Variants in TMPRSS2 observed in about 807,000 individuals in gnomAD.
TMPRSS2 encodes the protein transmembrane serine protease 2.
In TMPRSS2, 59 loss-of-function variants were observed where a neutral mutation model predicts 67.4. The ratio of observed to expected loss-of-function variants is 0.88; its 90% CI spans 0.71 to 1.09. The LOEUF (loss-of-function observed/expected upper bound fraction) is 1.09, where lower values mean the gene tolerates loss of function less well. TMPRSS2 is among the 50% of genes least tolerant of loss of function. The pLI is 0.00. For synonymous variants in TMPRSS2, 257 were observed against 257.0 expected (o/e 1.00, Z 0.00); for missense variants, 668 against 642.7 (o/e 1.04, Z -0.43).
rs761549281 is a variant in TMPRSS2, at chr21:41,468,554, CTTG to C, written c.1172-19_1172-17del. ...GAGGTCTTCCCTAAGGACAGGGAGA[CTTG>C]TTGAGCTCCCAGTGTTGCCTGCAGC... On this transcript the variant is annotated splice_polypyrimidine_tract_variant and intron_variant, in intron 11 of 13. Transcript: ENST00000332149. 17 of 1,613,502 alleles carry C rather than the reference CTTG, an allele frequency of 1.1e-5. No individual in the cohort carries two copies. The highest frequency in any genetic ancestry group is 5.0e-5 in the Admixed American group (3 of 59,984).
intron 11 of TMPRSS2, 130 bp from the exon 12 acceptor site, chr21:41,468,668 G>T: frequency 9.4e-7 from 1 of 1,064,454 alleles, no homozygotes; most frequent in South Asian, 1.6e-5. Flanking sequence ...GCCCTGCCCC[G>T]GTCAGCTCAT....
intron 2 of TMPRSS2, 29 bp from the exon 3 acceptor site, chr21:41,494,607 A>T: frequency 6.3e-7 from 1 of 1,599,892 alleles, no homozygotes; most frequent in Non-Finnish European, 8.6e-7. Flanking sequence ...GATGAATAAT[A>T]TAAAACTCTT....
chr21:41,475,947 G>A (rs2091209123), intron 8 of TMPRSS2, among the ~76,000 whole-genome samples: 1 of 151,974 alleles, frequency 6.6e-6, no homozygotes, highest in Non-Finnish European at 1.5e-5. Context: ...CTCTTCAAAT[G>A]AAAAGCTGAG....
intron 1 of TMPRSS2, among the ~76,000 whole-genome samples, chr21:41,505,920 C>G (rs1874283815): frequency 6.6e-6 from 1 of 152,202 alleles, no homozygotes; most frequent in African/African-American, 2.4e-5. Context: ...TGTTTATCCC[C>G]AGTTCTGCCC....
intron 1 of TMPRSS2, 82 bp from the exon 2 acceptor site, chr21:41,498,271 C>A: frequency 1.0e-6 from 1 of 958,700 alleles, no homozygotes; most frequent in Non-Finnish European, 1.6e-6. Flanking sequence ...CTAGAAGAAT[C>A]TCTAGATGAA....
At position 41,489,722 on chromosome 21, in the gene TMPRSS2, A is replaced by G. The variant is rs1453385486; in HGVS notation, c.239-129T>C. Reference sequence around the variant, plus strand: ...TATTTCATATACACTTAAAAATGTGACTTTTAATTTTAAGAAATATCATGG... The same window carrying G: ...TATTTCATATACACTTAAAAATGTGGCTTTTAATTTTAAGAAATATCATGG... On this transcript the variant is annotated intron_variant, in intron 3 of 13. Coordinates refer to ENST00000332149, the MANE Select transcript of TMPRSS2 (RefSeq NM_005656.4). The G allele has an allele frequency of 1.1e-5, 7 of 629,464 alleles. No homozygotes were observed. The East Asian group carries it at 2.0e-4, about 18-fold the overall frequency. The allele number at this position is 629,464 out of a possible 1,614,324, so 39.0% of individuals were successfully genotyped here.
rs1448640608 is a variant in TMPRSS2, at chr21:41,489,505, A to G, written c.325+2T>C. ...GGTGGGATCGAGGCTCCCTGCACTT[A>G]CTGAACTTCCAGAGTAGGCCAGCGG... On this transcript the variant is annotated splice_donor_variant, in intron 4 of 13. Coordinates refer to ENST00000332149, the MANE Select transcript of TMPRSS2 (RefSeq NM_005656.4). LOFTEE classifies it high-confidence loss of function. 2 of 1,613,824 alleles carry G rather than the reference A, an allele frequency of 1.2e-6. No homozygotes were observed. Among genetic ancestry groups the G allele is most frequent in the African/African-American group, 1.3e-5 (1 of 74,914 alleles).
chr21:41,493,397 G>A (rs7275220), intron 3 of TMPRSS2, among the ~76,000 whole-genome samples: 99,876 of 151,632 alleles, frequency 0.66, 34,363 homozygotes, highest in Non-Finnish European at 0.75. Flanking sequence ...CGCAGGAGCG[G>A]CAGCACTTGT....
Position 41,465,044 on chromosome 21 carries a change from C to G in TMPRSS2, c.*1098G>C, listed in dbSNP as rs572422499. The G allele has an allele frequency of 8.6e-6, 2 of 233,330 alleles. No individual in the cohort carries two copies. Among genetic ancestry groups the G allele is most frequent in the Non-Finnish European group, 8.5e-6 (1 of 118,058 alleles). 14.5% of individuals were successfully genotyped at this position (233,330 alleles called of 1,614,324 possible). A position where few individuals can be genotyped will look rare whatever the true frequency, so the allele number is the denominator to read the frequency against. ...CACATCTTTCTCTTCTTCGCCGCCA[C>G]CATGGGCACTTTGCTTCAGCACATT... On this transcript the variant is annotated 3_prime_UTR_variant, in exon 14 of 14. Coordinates refer to ENST00000332149, the MANE Select transcript of TMPRSS2 (RefSeq NM_005656.4).
intron 5 of TMPRSS2, among the ~76,000 whole-genome samples, chr21:41,485,462 A>G (rs1035407647): frequency 4.6e-5 from 7 of 152,014 alleles, no homozygotes; most frequent in Non-Finnish European, 7.4e-5. Flanking sequence ...AGTCTGGACA[A>G]CATTGATGAA....
At chr21:41,471,041 C>T (rs1476829004) in intron 10 of TMPRSS2, among the ~76,000 whole-genome samples, 2 of 152,250 alleles carry the variant, frequency 1.3e-5, no homozygotes, top group Admixed American at 6.5e-5. Context: ...GAAAGACACA[C>T]AGGAGGCAAC....
chr21:41,475,844 A>C (rs1056327576), intron 8 of TMPRSS2, among the ~76,000 whole-genome samples: 3 of 151,794 alleles, frequency 2.0e-5, no homozygotes, highest in Non-Finnish European at 4.4e-5. Flanking sequence ...GGCGGGTGCC[A>C]CGCACCCTTG....
Position 41,465,518 on chromosome 21 carries a change from C to T in TMPRSS2, c.*624G>A, listed in dbSNP as rs2146415321. The stretch of plus-strand genomic sequence containing the variant: ...AGTTCCTTTTCAATTGCTTCCCTCG[C>T]ACCAAGGGCACTGTCTATATTCTCA... On this transcript the variant is annotated 3_prime_UTR_variant, in exon 14 of 14. Coordinates refer to ENST00000332149, the MANE Select transcript of TMPRSS2 (RefSeq NM_005656.4). The T allele has an allele frequency of 8.6e-6, 2 of 233,410 alleles. No individual in the cohort carries two copies. The highest frequency in any genetic ancestry group is 1.7e-5 in the Non-Finnish European group (2 of 118,124). 14.5% of individuals were successfully genotyped at this position (233,410 alleles called of 1,614,324 possible).
chr21:41,490,369 G>C (rs2091326871), intron 3 of TMPRSS2, among the ~76,000 whole-genome samples: 1 of 152,224 alleles, frequency 6.6e-6, no homozygotes, highest in East Asian at 1.9e-4. Context: ...GTCCCATTCG[G>C]ACATCCACCA....
At chr21:41,483,524 C>G (rs1477517222) in intron 5 of TMPRSS2, among the ~76,000 whole-genome samples, 1 of 150,794 alleles carries the variant, frequency 6.6e-6, no homozygotes, top group African/African-American at 2.4e-5. Flanking sequence ...TCAGGCGATC[C>G]CCACCCCCTC....
At chr21:41,492,833 C>T (rs1226779654) in intron 3 of TMPRSS2, among the ~76,000 whole-genome samples, 1 of 152,182 alleles carries the variant, frequency 6.6e-6, no homozygotes, top group Non-Finnish European at 1.5e-5. Context: ...GTGGGAACAC[C>T]ACCGTCTGGA....
intron 9 of TMPRSS2, 36 bp from the exon 10 acceptor site, chr21:41,472,017 T>C (rs2091137875): frequency 6.5e-7 from 1 of 1,548,852 alleles, no homozygotes; most frequent in African/African-American, 1.4e-5. Context: ...CTCAGAGCCA[T>C]AAACACAGAG....
chr21:41,487,183 T>G (rs2091305057), intron 5 of TMPRSS2: 1 of 152,216 alleles, frequency 6.6e-6, no homozygotes, highest in Admixed American at 6.5e-5. Flanking sequence ...GTGGTGTATA[T>G]GCACAAGGCA....
At chr21:41,482,079 T>C (rs1466237605) in intron 5 of TMPRSS2, among the ~76,000 whole-genome samples, 1 of 151,682 alleles carries the variant, frequency 6.6e-6, no homozygotes, top group Non-Finnish European at 1.5e-5. Context: ...AATAAATAAA[T>C]AATAAGATAA....
Sources: gnomAD v4.1 joint callset for allele counts (sites outside exome capture counted in the v4.1 genomes callset) on GRCh38, gnomAD v4.1.1 for gene constraint, MANE v1.5 for transcripts, NCBI Gene and HGNC (gene_info 2026-07-23, HGNC 2026-07-21) for gene names.